The following C2 variants were observed in gnomAD, a reference collection of about 807,000 sequenced individuals.
The protein encoded by C2 is complement C2, also known as C3/C5 convertase.
In C2, 64 loss-of-function variants were observed where a neutral mutation model predicts 85.2. The observed-to-expected ratio is 0.75, with a 90% CI of 0.61 to 0.92. C2 has a LOEUF of 0.92. C2 is among the 40% of genes least tolerant of loss of function. The pLI is 0.00. For synonymous variants in C2, 311 were observed against 370.8 expected, an observed-to-expected ratio of 0.84 and a Z score of 1.85; for missense variants, 820 against 971.6, an observed-to-expected ratio of 0.84 and a Z score of 2.07.
chr6:31,934,016 C>G (rs772242480), intron 5 of C2, 51 bp downstream of exon 5: 3 of 1,570,330 alleles, frequency 1.9e-6, no homozygotes, highest in Non-Finnish European at 2.6e-6. Context: ...GGATCTGGGC[C>G]GGAGCAAGGG....
rs1288209255 is a variant in C2, at chr6:31,928,754, C to A, written c.279C>A (p.Val93=). 1 of 1,614,258 alleles carries A rather than the reference C, an allele frequency of 6.2e-7. No individual in the cohort carries two copies. The highest frequency in any genetic ancestry group is 1.1e-5 in the South Asian group (1 of 91,086). ...VCKPVRCPAP[V]SFENGIYTPR... ...CAGCTGTGCGCTGTCCAGCCCCTGT[C>A]TCCTTTGAGAATGGCATTTATACCC... Residue 93 remains valine (V), a synonymous_variant, in exon 3 of 18, where the codon GTC becomes GTA. Transcript: ENST00000299367.
intron 1 of C2, chr6:31,902,045 CGCGGCGGCG>C (rs753112023): frequency 6.6e-6 from 1 of 150,484 alleles, no homozygotes; most frequent in African/African-American, 2.4e-5. Flanking sequence ...GCCCCGCGCG[CGCGGCGGCG>C]GCGGCGTCGG....
upstream of C2, among the ~76,000 whole-genome samples, chr6:31,926,710 C>A (rs962293456): frequency 7.2e-5 from 11 of 152,048 alleles, no homozygotes; most frequent in Non-Finnish European, 1.3e-4. Flanking sequence ...TCTTGGCTCA[C>A]TGCAACCTCC....
intron 2 of C2, 111 bp downstream of exon 2, chr6:31,928,275 T>A: frequency 1.0e-6 from 1 of 964,954 alleles, no homozygotes; most frequent in Non-Finnish European, 1.6e-6. Context: ...GCAAAGTTGC[T>A]TTTGCAGAGG....
chr6:31,909,270 T>C (rs745429057), intron 1 of C2, among the ~76,000 whole-genome samples: 37 of 152,028 alleles, frequency 2.4e-4, no homozygotes, highest in Non-Finnish European at 4.6e-4. Flanking sequence ...TTGGATTATA[T>C]GGCAATTATA....
upstream of C2, chr6:31,899,768 A>G: frequency 2.6e-6 from 2 of 778,828 alleles, no homozygotes; most frequent in Admixed American, 2.9e-5. Flanking sequence ...AGTCTCTCCA[A>G]GGAATCATCT....
intron 9 of C2, among the ~76,000 whole-genome samples, chr6:31,940,805 C>T (rs1298983742): frequency 6.6e-6 from 1 of 152,254 alleles, no homozygotes; most frequent in South Asian, 2.1e-4. Flanking sequence ...AAGGCACGAT[C>T]GTTGTCTAGC....
At chr6:31,926,493 C>A (rs373843779), upstream of C2, among the ~76,000 whole-genome samples, 1 of 151,790 alleles carries the variant, frequency 6.6e-6, no homozygotes, top group Admixed American at 6.6e-5. Flanking sequence ...CCACCACACC[C>A]GGCTAATTTT....
Position 31,937,462 on chromosome 6 carries a change from G to A in C2, c.1129+3G>A. 6.2e-7 allele frequency: 1 copy of A among 1,612,798 alleles called. No homozygotes were observed. The highest frequency in any genetic ancestry group is 8.5e-7 in the Non-Finnish European group (1 of 1,179,964). ...TGCCATCATCCTTCTGACAGATGGTGGGTATCATGGTCTCTGAGTGTGTCT... is the reference window on the plus strand; with the variant it reads ...TGCCATCATCCTTCTGACAGATGGTAGGTATCATGGTCTCTGAGTGTGTCT... On this transcript the variant is annotated splice_donor_region_variant and intron_variant, in intron 8 of 17. Transcript: ENST00000299367.
At chr6:31,931,951 C>A (rs1582079231) in intron 3 of C2, among the ~76,000 whole-genome samples, 1 of 135,066 alleles carries the variant, frequency 7.4e-6, no homozygotes, top group Non-Finnish European at 1.6e-5. Context: ...GCTGATCCCC[C>A]CACCTCCCTC....
At chr6:31,942,769 T>A in intron 9 of C2, 190 bp from the exon 10 acceptor site, 4 of 660,692 alleles carry the variant, frequency 6.1e-6, no homozygotes, top group Non-Finnish European at 1.1e-5. Flanking sequence ...TCAAAGAGGC[T>A]GTGTGCTGCA....
Position 31,942,810 on chromosome 6 carries a change from T to C in C2, c.1220-149T>C, listed in dbSNP as rs891256302. ...GTGAAGGGCAGGGAGTGGCAGGAAA[T>C]GAAGGCAGACAGGTAGCAGTGGGGA... is the stretch of plus-strand genomic sequence containing the variant. On this transcript the variant is annotated intron_variant, in intron 9 of 17. Transcript: ENST00000299367. 4 of 882,658 alleles carry C rather than the reference T, an allele frequency of 4.5e-6. No homozygotes were observed. The African/African-American group carries it at 5.0e-5, about 11-fold the overall frequency. 54.7% of individuals were successfully genotyped at this position (882,658 alleles called of 1,614,324 possible).
chr6:31,898,194 G>A (rs949316048), upstream of C2, among the ~76,000 whole-genome samples: 4 of 152,134 alleles, frequency 2.6e-5, no homozygotes, highest in Admixed American at 2.6e-4. Flanking sequence ...CTGGAGCAGC[G>A]TGCCCTTCTG....
At chr6:31,905,646 GA>G (rs1767667483) in intron 1 of C2, among the ~76,000 whole-genome samples, 1 of 151,902 alleles carries the variant, frequency 6.6e-6, no homozygotes, top group Admixed American at 6.6e-5. Context: ...TTTTTTAAAG[GA>G]AATAAAATTT....
upstream of C2, among the ~76,000 whole-genome samples, chr6:31,924,018 T>C (rs1440166919): frequency 6.6e-6 from 1 of 150,746 alleles, no homozygotes; most frequent in African/African-American, 2.4e-5. Context: ...GCCAGGATTG[T>C]CTCGATCTCC....
Position 31,933,688 on chromosome 6 carries a change from G to T in C2, c.521G>T (p.Arg174Leu), listed in dbSNP as rs774098350. 4 of 1,613,176 alleles carry T rather than the reference G, an allele frequency of 2.5e-6. No individual in the cohort carries two copies. The highest frequency in any genetic ancestry group is 3.4e-6 in the Non-Finnish European group (4 of 1,180,046). The change falls in exon 4 of 18, where the codon CGC becomes CTC. Residue 174 changes from arginine (R) to leucine (L), a missense_variant. Transcript: ENST00000299367. ...GFRFGHGDKVRYRCSSNLVLT... is the reference protein window; with the variant it reads ...GFRFGHGDKVLYRCSSNLVLT... ...CGCTTTGGTCATGGGGACAAGGTCC[G>T]CTATCGCTGCTCCTCGAATCTTGTG...
chr6:31,928,729 C>T lies in C2; in HGVS notation c.257-3C>T, dbSNP rs1769470585. ...ATTCCCCACCCACTTCCTCTCTCTC[C>T]AGCTGTGCGCTGTCCAGCCCCTGTC... On this transcript the variant is annotated splice_polypyrimidine_tract_variant and splice_region_variant and intron_variant, in intron 2 of 17. Transcript: ENST00000299367. The T allele has an allele frequency of 1.9e-6, 3 of 1,614,070 alleles. No homozygotes were observed. Among genetic ancestry groups the T allele is most frequent in the African/African-American group, 1.3e-5 (1 of 74,916 alleles).
In C2 at chr6:31,943,656, C is replaced by A. The variant is rs1402953829; in HGVS notation, c.1580C>A (p.Ser527Tyr). The change falls in exon 13 of 18, where the codon TCC becomes TAC. Residue 527 changes from serine (S) to tyrosine (Y), a missense_variant. Transcript: ENST00000299367. This position sits in a 1 kb window ranked among gnomAD's most constrained non-coding sequence, Gnocchi z 6.4. Reference sequence around the variant, plus strand: ...GTATCATTTCCAGGAGACCCCAAATCCCAGTGGGGCAAAGAATTCCTTATT... The same window carrying A: ...GTATCATTTCCAGGAGACCCCAAATACCAGTGGGGCAAAGAATTCCTTATT... ...LWRVNVGDPKSQWGKEFLIEK... is the reference protein window; with the variant it reads ...LWRVNVGDPKYQWGKEFLIEK... The A allele has an allele frequency of 1.9e-6, 3 of 1,612,970 alleles. No homozygotes were observed. The highest frequency in any genetic ancestry group is 2.5e-6 in the Non-Finnish European group (3 of 1,180,026).
At chr6:31,940,038 G>A (rs1212646395) in intron 9 of C2, among the ~76,000 whole-genome samples, 2 of 152,144 alleles carry the variant, frequency 1.3e-5, no homozygotes, top group Non-Finnish European at 2.9e-5. Flanking sequence ...GGTCTCCCAA[G>A]GTGCTGGGAT....
Sources: allele counts gnomAD v4.1 joint callset (sites outside exome capture counted in the v4.1 genomes callset), GRCh38; gene constraint gnomAD v4.1.1; non-coding constraint Gnocchi (gnomAD v3.1); transcripts MANE v1.5; gene names NCBI Gene and HGNC (gene_info 2026-07-23, HGNC 2026-07-21).